The following DIAPH2 variants were observed in gnomAD, a reference collection of about 807,000 sequenced individuals.
DIAPH2 encodes the protein protein diaphanous homolog 2.
Under a neutral mutation model 92.7 loss-of-function variants are expected in DIAPH2, and 35 were observed. That is an observed-to-expected ratio of 0.38 (90% CI 0.29 to 0.50). The LOEUF (loss-of-function observed/expected upper bound fraction) is 0.50, where lower values mean the gene tolerates loss of function less well. DIAPH2 is among the 20% of genes least tolerant of loss of function. The pLI is 0.94. For missense variants in DIAPH2, 701 were observed against 819.5 expected, an observed-to-expected ratio of 0.86 and a Z score of 1.77; for synonymous variants, 301 against 280.4, an observed-to-expected ratio of 1.07 and a Z score of -0.73.
chrX:97,212,930 G>T (rs963588229), intron 22 of DIAPH2, among the ~76,000 whole-genome samples: 1 of 111,590 alleles, frequency 9.0e-6, no homozygotes. Flanking sequence ...TGGTTAAATA[G>T]TTGAAGTTTT....
chrX:97,147,344 T>G (rs1253784593), intron 22 of DIAPH2, among the ~76,000 whole-genome samples: 1 of 110,387 alleles, frequency 9.1e-6, no homozygotes, highest in Non-Finnish European at 1.9e-5. Flanking sequence ...TGAACCACAA[T>G]TATTTTTTTC....
chrX:96,755,618 A>C (rs1371009824), intron 3 of DIAPH2, among the ~76,000 whole-genome samples: 1 of 110,525 alleles, frequency 9.0e-6, no homozygotes, highest in Non-Finnish European at 1.9e-5. Flanking sequence ...GCGCCACTGC[A>C]CTCCAGCCTG....
At chrX:97,203,755 G>A (rs763092216) in intron 22 of DIAPH2, among the ~76,000 whole-genome samples, 8 of 111,550 alleles carry the variant, frequency 7.2e-5, no homozygotes, top group Admixed American at 3.8e-4. Flanking sequence ...AAGAGGAGCC[G>A]GTACCATTCC....
chrX:96,742,773 T>G (rs776929954), intron 3 of DIAPH2, among the ~76,000 whole-genome samples: 1 of 110,198 alleles, frequency 9.1e-6, no homozygotes, highest in Non-Finnish European at 1.9e-5. Context: ...TTCAAACGAT[T>G]CTCGTGCCTC....
At chrX:97,569,163 A>G (rs1176485513) in intron 26 of DIAPH2, among the ~76,000 whole-genome samples, 1 of 111,810 alleles carries the variant, frequency 8.9e-6, no homozygotes, top group Admixed American at 9.5e-5. Context: ...TACCATATAT[A>G]AATAAAATTA....
chrX:97,353,666 C>T (rs1483579779), intron 24 of DIAPH2, among the ~76,000 whole-genome samples: 1 of 111,024 alleles, frequency 9.0e-6, no homozygotes, highest in Non-Finnish European at 1.9e-5. Context: ...CCAATTTCCC[C>T]TCAACAAAAT....
At chrX:97,091,642 A>C (rs151030205) in intron 19 of DIAPH2, among the ~76,000 whole-genome samples, 132 of 111,067 alleles carry the variant, frequency 1.2e-3, no homozygotes, top group Middle Eastern at 4.6e-3. Flanking sequence ...CCTTGTTCTG[A>C]AAATATATTT....
chrX:96,959,860 T>C (rs761426218), intron 16 of DIAPH2, among the ~76,000 whole-genome samples: 1 of 111,802 alleles, frequency 8.9e-6, no homozygotes, highest in Non-Finnish European at 1.9e-5. Context: ...CTATCATCAT[T>C]TATTGAAGAG....
intron 17 of DIAPH2, among the ~76,000 whole-genome samples, chrX:97,056,248 A>G (rs976080166): frequency 2.7e-5 from 3 of 111,368 alleles, no homozygotes; most frequent in Non-Finnish European, 5.7e-5. Flanking sequence ...TTTTTTTGTT[A>G]TTATTTTGAT....
intron 17 of DIAPH2, among the ~76,000 whole-genome samples, chrX:97,050,041 A>G (rs2066509323): frequency 9.0e-6 from 1 of 111,455 alleles, no homozygotes; most frequent in Non-Finnish European, 1.9e-5. Context: ...GCTAAGGCGT[A>G]AAGTCAGAAT....
intron 23 of DIAPH2, among the ~76,000 whole-genome samples, chrX:97,345,629 G>T (rs1168766945): frequency 8.9e-6 from 1 of 111,828 alleles, no homozygotes; most frequent in Non-Finnish European, 1.9e-5. Context: ...GTATGCCCCA[G>T]ACTGCACCAT....
Position 97,554,010 on chromosome X carries a change from A to AT in DIAPH2, c.3242-45242dup, listed in dbSNP as rs1457499453. Among the ~76,000 whole-genome samples the AT allele has an allele frequency of 8.9e-5, 10 of 111,774 alleles. No individual in the cohort carries two copies. The Admixed American group carries it at 9.5e-4, about 11-fold the overall frequency. ...TGTATATGTATGTGCATATATTAAT[A>AT]TATGTATGTATGTATTCATATACAT... On this transcript the variant is annotated intron_variant, in intron 26 of 26. Coordinates refer to ENST00000324765, the MANE Select transcript of DIAPH2 (RefSeq NM_006729.5).
intron 26 of DIAPH2, among the ~76,000 whole-genome samples, chrX:97,557,797 A>G (rs754321690): frequency 2.2e-4 from 25 of 111,971 alleles, no homozygotes; most frequent in Non-Finnish European, 9.4e-5. Context: ...CATCCAAACC[A>G]TTGCCTAGTA....
chrX:96,834,587 C>T (rs1294754563), intron 4 of DIAPH2, among the ~76,000 whole-genome samples: 2 of 111,734 alleles, frequency 1.8e-5, no homozygotes, highest in Non-Finnish European at 3.8e-5. Context: ...AACTAATATA[C>T]AAACTTGCAG....
rs760471308 is a variant in DIAPH2, at chrX:97,394,045, G to A, written c.3145+10001G>A. Among the ~76,000 whole-genome samples the A allele has an allele frequency of 5.4e-5, 6 of 111,639 alleles. No individual in the cohort carries two copies. The South Asian group carries it at 2.2e-3, about 42-fold the overall frequency. ...TTTGTTTTTATCTGTTTTCCTAGTT[G>A]TAAAATAATTACATCTTATAAGTGA... On this transcript the variant is annotated intron_variant, in intron 25 of 26. Coordinates refer to ENST00000324765, the MANE Select transcript of DIAPH2 (RefSeq NM_006729.5).
chrX:96,725,966 T>C (rs1447645991), intron 1 of DIAPH2, among the ~76,000 whole-genome samples: 2 of 111,664 alleles, frequency 1.8e-5, no homozygotes, highest in African/African-American at 3.3e-5. Flanking sequence ...TAGCAAGTCA[T>C]TGTGAGGTGA....
At chrX:97,245,933 A>T (rs1467997980) in intron 22 of DIAPH2, among the ~76,000 whole-genome samples, 3 of 98,770 alleles carry the variant, frequency 3.0e-5, no homozygotes, top group African/African-American at 1.1e-4. Flanking sequence ...ACGGAATTTC[A>T]TTCTTGTTGC....
At chrX:97,206,650 TG>T (rs1476164422) in intron 22 of DIAPH2, among the ~76,000 whole-genome samples, 1 of 112,351 alleles carries the variant, frequency 8.9e-6, no homozygotes, top group Non-Finnish European at 1.9e-5. Flanking sequence ...CCATATCTAT[TG>T]TAATGCTGAA....
chrX:97,135,423 G>T (rs980890591), intron 21 of DIAPH2, among the ~76,000 whole-genome samples: 13 of 111,018 alleles, frequency 1.2e-4, no homozygotes, highest in Admixed American at 6.7e-4. Flanking sequence ...GGCCAGGCTG[G>T]TCTCAAACTC....
Sources: gnomAD v4.1 joint callset for allele counts (sites outside exome capture counted in the v4.1 genomes callset) on GRCh38, gnomAD v4.1.1 for gene constraint, MANE v1.5 for transcripts, NCBI Gene and HGNC (gene_info 2026-07-23, HGNC 2026-07-21) for gene names.